The following GALNT17 variants were observed in gnomAD, a reference collection of about 807,000 sequenced individuals.
GALNT17 encodes UDP-GalNAc:polypeptide N-acetylgalactosaminyltransferase-like 3.
A neutral mutation model predicts 63.7 loss-of-function variants in GALNT17; 29 were observed. The observed-to-expected ratio is 0.46, with a 90% confidence interval of 0.34 to 0.62. The LOEUF is 0.62. GALNT17 is among the 20% of genes least tolerant of loss of function. GALNT17 has a pLI of 0.01. For missense variants in GALNT17, 603 were observed against 799.6 expected (o/e 0.75, Z 2.97); for synonymous variants, 305 against 318.3 (o/e 0.96, Z 0.45).
chr7:71,199,645 C>T (rs1365270512), intron 1 of GALNT17, among the ~76,000 whole-genome samples: 7 of 136,670 alleles, frequency 5.1e-5, no homozygotes. Context: ...ATCCACCGAC[C>T]CACCCATCCA....
intron 2 of GALNT17, among the ~76,000 whole-genome samples, chr7:71,379,869 A>AT (rs1215240177): frequency 3.9e-5 from 6 of 152,132 alleles, no homozygotes; most frequent in Admixed American, 3.3e-4. Context: ...GAGGTCACCC[A>AT]GGACCCGTTT....
intron 1 of GALNT17, among the ~76,000 whole-genome samples, chr7:71,211,405 T>C (rs747774386): frequency 7.2e-5 from 11 of 152,214 alleles, no homozygotes; most frequent in Non-Finnish European, 1.3e-4. Flanking sequence ...TCCCCAGCCA[T>C]GTGGAACTGT....
intron 5 of GALNT17, among the ~76,000 whole-genome samples, chr7:71,545,913 T>C (rs1304963409): frequency 3.3e-5 from 5 of 152,186 alleles, no homozygotes; most frequent in Non-Finnish European, 5.9e-5. Context: ...CTTCTGAGGC[T>C]ACTGTGCATG....
At chr7:71,213,715 G>A (rs916634148) in intron 1 of GALNT17, among the ~76,000 whole-genome samples, 2 of 151,934 alleles carry the variant, frequency 1.3e-5, no homozygotes, top group African/African-American at 2.4e-5. Flanking sequence ...TTTATATTGG[G>A]TGTTATATTT....
chr7:71,518,012 A>G (rs1438277441), intron 5 of GALNT17, among the ~76,000 whole-genome samples: 1 of 152,184 alleles, frequency 6.6e-6, no homozygotes, highest in Non-Finnish European at 1.5e-5. Flanking sequence ...TGGGGGAGAC[A>G]GCATATGTCC....
chr7:71,271,188 C>A (rs1246795522), intron 1 of GALNT17, among the ~76,000 whole-genome samples: 43 of 152,218 alleles, frequency 2.8e-4, no homozygotes, highest in Admixed American at 2.7e-3. Context: ...TTCAATACTT[C>A]CTGCTTTTGG....
At chr7:71,523,760 T>C (rs967002265) in intron 5 of GALNT17, among the ~76,000 whole-genome samples, 1 of 145,184 alleles carries the variant, frequency 6.9e-6, no homozygotes, top group South Asian at 2.2e-4. Context: ...AATAAATAAA[T>C]AAATAAATAA....
intron 6 of GALNT17, among the ~76,000 whole-genome samples, chr7:71,623,160 A>G (rs1217002824): frequency 6.6e-6 from 1 of 151,806 alleles, no homozygotes; most frequent in Non-Finnish European, 1.5e-5. Flanking sequence ...GAAAATCATC[A>G]AACTTCCTGA....
chr7:71,525,494 C>T (rs1208764430), intron 5 of GALNT17, among the ~76,000 whole-genome samples: 1 of 152,082 alleles, frequency 6.6e-6, no homozygotes, highest in African/African-American at 2.4e-5. Flanking sequence ...GCGTGAGCCA[C>T]CGCACCCGGC....
chr7:71,473,636 T>C (rs987775845), intron 5 of GALNT17, among the ~76,000 whole-genome samples: 3 of 152,054 alleles, frequency 2.0e-5, no homozygotes, highest in African/African-American at 7.2e-5. Flanking sequence ...GTCCATCCTT[T>C]CTTCTCTTCA....
chr7:71,581,867 G>A (rs1197044679), intron 6 of GALNT17, among the ~76,000 whole-genome samples: 2 of 152,150 alleles, frequency 1.3e-5, no homozygotes, highest in East Asian at 1.9e-4. Flanking sequence ...AGGGACTCTG[G>A]CCAAGAGTGG....
chr7:71,369,837 A>AAG (rs1792588761), intron 2 of GALNT17, among the ~76,000 whole-genome samples: 1 of 146,420 alleles, frequency 6.8e-6, no homozygotes, highest in Non-Finnish European at 1.5e-5. Context: ...AAAAAAAAAA[A>AAG]GAACAAAAAC....
intron 9 of GALNT17, among the ~76,000 whole-genome samples, chr7:71,689,127 G>T (rs1321053042): frequency 6.6e-6 from 1 of 152,092 alleles, no homozygotes; most frequent in African/African-American, 2.4e-5. Context: ...CATAAATGTT[G>T]TGTGTGTTTG....
At chr7:71,444,750 C>T (rs560940943) in intron 5 of GALNT17, among the ~76,000 whole-genome samples, 187 of 152,236 alleles carry the variant, frequency 1.2e-3, no homozygotes, top group African/African-American at 4.3e-3. Context: ...TTACTTGAAT[C>T]CGGGAGGTGG....
chr7:71,295,216 G>C (rs58203463), intron 1 of GALNT17, among the ~76,000 whole-genome samples: 3,986 of 152,204 alleles, frequency 0.026, 92 homozygotes, highest in East Asian at 0.13. Flanking sequence ...TTTGTCTAGT[G>C]GATATCCTAG....
At chr7:71,693,488 C>A (rs1316824332) in intron 9 of GALNT17, among the ~76,000 whole-genome samples, 1 of 151,858 alleles carries the variant, frequency 6.6e-6, no homozygotes, top group African/African-American at 2.4e-5. Flanking sequence ...AGAATGGAAT[C>A]TTGTCCTTTG....
chr7:71,421,198 C>T, intron 5 of GALNT17, 93 bp downstream of exon 5: 1 of 1,386,534 alleles, frequency 7.2e-7, no homozygotes, highest in South Asian at 1.3e-5. Context: ...CTGCCTTGGG[C>T]TCGAGCAGCT....
intron 1 of GALNT17, among the ~76,000 whole-genome samples, chr7:71,293,928 G>T (rs1257714506): frequency 6.6e-6 from 1 of 152,300 alleles, no homozygotes; most frequent in East Asian, 1.9e-4. Context: ...GGGAGGCCAA[G>T]ATGGGTGGGT....
At chr7:71,280,387 A>C (rs1450476127) in intron 1 of GALNT17, among the ~76,000 whole-genome samples, 1 of 152,186 alleles carries the variant, frequency 6.6e-6, no homozygotes, top group Non-Finnish European at 1.5e-5. Flanking sequence ...CATTTGTGGC[A>C]TAGGGGATTA....
Sources: gnomAD v4.1 joint callset for allele counts (sites outside exome capture counted in the v4.1 genomes callset) on GRCh38, gnomAD v4.1.1 for gene constraint, MANE v1.5 for transcripts, NCBI Gene and HGNC (gene_info 2026-07-23, HGNC 2026-07-21) for gene names.